VCAN: variants seen among roughly 807,000 people sequenced by gnomAD.
VCAN encodes versican.
Under a neutral mutation model 245.5 loss-of-function variants are expected in VCAN, and 44 were observed. The ratio of observed to expected loss-of-function variants is 0.18; its 90% CI spans 0.14 to 0.23. The LOEUF (loss-of-function observed/expected upper bound fraction) is 0.23. VCAN is among the 10% of genes least tolerant of loss of function. The pLI is 1.00. For synonymous variants in VCAN, 1,413 were observed against 1,437.0 expected (o/e 0.98, Z 0.38); for missense variants, 3,793 against 4,057.9 (o/e 0.93, Z 1.77).
chr5:83,486,529 G>A (rs1744797793), intron 2 of VCAN, among the ~76,000 whole-genome samples: 1 of 152,166 alleles, frequency 6.6e-6, no homozygotes, highest in African/African-American at 2.4e-5. Context: ...AACCAGTGAA[G>A]ATGGAGAAAG....
chr5:83,490,326 G>A lies in VCAN; in HGVS notation c.299G>A (p.Arg100Lys), dbSNP rs1561228460. 19 of 1,614,182 alleles carry A rather than the reference G, an allele frequency of 1.2e-5. No homozygotes were observed. Among genetic ancestry groups the A allele is most frequent in the Non-Finnish European group, 1.4e-5 (17 of 1,180,042 alleles). The change falls in exon 3 of 15, where the codon AGA (arginine) becomes AAA (lysine). Residue 100 changes from arginine to lysine, a missense_variant. Coordinates refer to ENST00000265077, the MANE Select transcript of VCAN (RefSeq NM_004385.5). ...AAGATTGGTCAGGACTACAAAGGGA[G>A]AGTGTCTGTGCCCACACATCCCGAG... ...NIKIGQDYKG[R>K]VSVPTHPEAV...
chr5:83,545,720 T>C, intron 9 of VCAN, 70 bp downstream of exon 9: 1 of 1,192,426 alleles, frequency 8.4e-7, no homozygotes, highest in South Asian at 1.2e-5. Context: ...ATTTATGTTG[T>C]CGAATCAATC....
At chr5:83,492,292 TG>T (rs1400910811) in intron 3 of VCAN, among the ~76,000 whole-genome samples, 1 of 152,202 alleles carries the variant, frequency 6.6e-6, no homozygotes. Context: ...GATAAACTGT[TG>T]TCCATCCCAG....
At position 83,493,381 on chromosome 5, in the gene VCAN, A is replaced by G. The variant is rs7720335; in HGVS notation, c.446-165A>G. Reference sequence around the variant, plus strand: ...TGAATGGCATTTTTGGAGCCCCTCAAATCAACATGATTTTGCATAATGCTG... The same window carrying G: ...TGAATGGCATTTTTGGAGCCCCTCAGATCAACATGATTTTGCATAATGCTG... On this transcript the variant is annotated intron_variant, in intron 3 of 14. Coordinates refer to ENST00000265077, the MANE Select transcript of VCAN (RefSeq NM_004385.5). Among the ~76,000 whole-genome samples, 1,224 of 152,328 alleles carry G rather than the reference A, an allele frequency of 8.0e-3. 13 individuals carry two copies. The highest frequency in any genetic ancestry group is 0.027 in the African/African-American group (1,118 of 41,576).
At chr5:83,481,011 T>G (rs1033999310) in intron 1 of VCAN, among the ~76,000 whole-genome samples, 2 of 152,234 alleles carry the variant, frequency 1.3e-5, no homozygotes, top group Middle Eastern at 3.4e-3. Context: ...AACTAAGTAG[T>G]GACAGAAAAT....
At chr5:83,474,735 C>T (rs1254273432) in intron 1 of VCAN, among the ~76,000 whole-genome samples, 1 of 152,272 alleles carries the variant, frequency 6.6e-6, no homozygotes, top group Non-Finnish European at 1.5e-5. Flanking sequence ...CAGGGCCCAG[C>T]TTAACCGAGA....
Position 83,493,881 on chromosome 5 carries a change from G to A in VCAN, c.698G>A (p.Arg233His). 8.1e-6 allele frequency: 13 copies of A among 1,614,090 alleles called. No individual in the cohort carries two copies. The highest frequency in any genetic ancestry group is 2.2e-5 in the East Asian group (1 of 44,884). ...GCAGGAGTCAGGACTTATGGATTCC[G>A]TTCTCCCCAGGAAACTTACGATGTG... The part of the protein sequence containing the change: ...GKAGVRTYGF[R>H]SPQETYDVYC... The change falls in exon 5 of 15, where the codon CGT (arginine) becomes CAT (histidine). Residue 233 changes from arginine (R) to histidine (H), a missense_variant. This residue lies in a region of VCAN where 190 missense variants were observed against 288.6 expected (regional missense o/e 0.66). Transcript: ENST00000265077.
intron 1 of VCAN, among the ~76,000 whole-genome samples, chr5:83,474,773 C>T (rs1042468949): frequency 3.3e-5 from 5 of 152,352 alleles, no homozygotes; most frequent in Admixed American, 3.3e-4. Flanking sequence ...CCCCAGGATT[C>T]GGGGCCGGCT....
At chr5:83,530,926 A>G (rs1032695860) in intron 7 of VCAN, among the ~76,000 whole-genome samples, 2 of 148,752 alleles carry the variant, frequency 1.3e-5, no homozygotes, top group Non-Finnish European at 3.0e-5. Flanking sequence ...CGTGTTCCTT[A>G]GAGAGAGAGT....
intron 5 of VCAN, among the ~76,000 whole-genome samples, chr5:83,505,998 A>T (rs888582774): frequency 1.3e-5 from 2 of 152,198 alleles, no homozygotes; most frequent in African/African-American, 4.8e-5. Context: ...GCTGGGGCAC[A>T]GGGTACCAAT....
At chr5:83,526,719 A>G (rs1746315491) in intron 7 of VCAN, among the ~76,000 whole-genome samples, 1 of 152,214 alleles carries the variant, frequency 6.6e-6, no homozygotes, top group South Asian at 2.1e-4. Context: ...AGCACTATGC[A>G]TGGTGCTGAA....
intron 11 of VCAN, among the ~76,000 whole-genome samples, chr5:83,554,544 G>A (rs1747590557): frequency 6.6e-6 from 1 of 152,038 alleles, no homozygotes; most frequent in African/African-American, 2.4e-5. Flanking sequence ...TCCAAAATGA[G>A]GGTAGCGTGG....
rs537953507 is a variant in VCAN at position 83,573,608 on chromosome 5, A to C, written c.9880+1048A>C. Among the ~76,000 whole-genome samples the C allele has an allele frequency of 5.9e-5, 9 of 152,358 alleles. 1 individual carries two copies. Among genetic ancestry groups the C allele is most frequent in the African/African-American group, 1.7e-4 (7 of 41,584 alleles). ...TGATGATTTATTAGAGAAACATATA[A>C]AAACATGACAGCGTGCTTCATAAGC... On this transcript the variant is annotated intron_variant, in intron 13 of 14. Transcript: ENST00000265077.
chr5:83,550,844 G>A (rs1224478356), intron 10 of VCAN, among the ~76,000 whole-genome samples: 2 of 122,044 alleles, frequency 1.6e-5, no homozygotes, highest in Non-Finnish European at 3.2e-5. Flanking sequence ...CAGAGATCAT[G>A]CCACCGCACT....
intron 1 of VCAN, among the ~76,000 whole-genome samples, chr5:83,481,911 T>G (rs1428792482): frequency 6.6e-6 from 1 of 152,216 alleles, no homozygotes; most frequent in Non-Finnish European, 1.5e-5. Context: ...TATGACTAAT[T>G]TCAGCATTAG....
intron 7 of VCAN, among the ~76,000 whole-genome samples, chr5:83,526,670 C>G (rs1208048868): frequency 6.6e-6 from 1 of 152,198 alleles, no homozygotes; most frequent in African/African-American, 2.4e-5. Context: ...ATATCTTTAT[C>G]TCATTACAAT....
At chr5:83,474,448 G>A (rs1390123264) in intron 1 of VCAN, among the ~76,000 whole-genome samples, 4 of 152,228 alleles carry the variant, frequency 2.6e-5, no homozygotes, top group Non-Finnish European at 4.4e-5. Context: ...GGATGGAAGG[G>A]TGGGAAAGAA....
At chr5:83,533,893 C>A (rs1383531460) in intron 7 of VCAN, among the ~76,000 whole-genome samples, 2 of 152,016 alleles carry the variant, frequency 1.3e-5, no homozygotes, top group Non-Finnish European at 2.9e-5. Flanking sequence ...GAGCTAAAAT[C>A]AGAAACTATA....
intron 1 of VCAN, among the ~76,000 whole-genome samples, chr5:83,481,217 G>A (rs918582145): frequency 2.7e-5 from 4 of 148,870 alleles, no homozygotes; most frequent in African/African-American, 7.4e-5. Context: ...TTATTTATAA[G>A]TATAATTAAA....
Sources: allele counts gnomAD v4.1 joint callset (sites outside exome capture counted in the v4.1 genomes callset), GRCh38; gene constraint gnomAD v4.1.1; regional missense constraint gnomAD v4.1.1; transcripts MANE v1.5; gene names NCBI Gene and HGNC (gene_info 2026-07-23, HGNC 2026-07-21).